Variants in BCL11B observed in about 807,000 individuals in gnomAD.
The protein encoded by BCL11B is BCL11 transcription factor B, also known as B-cell lymphoma/leukemia 11B.
A neutral mutation model predicts 49.9 loss-of-function variants in BCL11B; 8 were observed. The ratio of observed to expected loss-of-function variants is 0.16; its 90% CI spans 0.09 to 0.29. BCL11B has a LOEUF of 0.29. Among genes scored for constraint, BCL11B ranks in the 10% least tolerant of loss-of-function variants. The pLI is 1.00. For missense variants in BCL11B, 1,006 were observed against 1,351.0 expected, an observed-to-expected ratio of 0.74 and a Z score of 4.00; for synonymous variants, 739 against 637.4, an observed-to-expected ratio of 1.16 and a Z score of -2.40.
chr14:99,189,992 G>A (rs1886974853), intron 3 of BCL11B, among the ~76,000 whole-genome samples: 1 of 152,148 alleles, frequency 6.6e-6, no homozygotes, highest in South Asian at 2.1e-4. Flanking sequence ...TGTGGGCCGA[G>A]CCCAGGAAAT....
Position 99,271,356 on chromosome 14 carries a change from G to A in BCL11B, c.-138C>T. On this transcript the variant is annotated 5_prime_UTR_variant, in exon 1 of 4. Coordinates refer to ENST00000357195, the MANE Select transcript of BCL11B (RefSeq NM_138576.4). ...CCGCCGCACCTCCTCCTCTGCCCGG[G>A]TTGGTGTTTTTTTTCCCTTCCTCTC... 1 of 464,408 alleles carries A rather than the reference G, an allele frequency of 2.2e-6. No individual in the cohort carries two copies. Among genetic ancestry groups the A allele is most frequent in the South Asian group, 9.2e-5 (1 of 10,826 alleles). The allele number at this position is 464,408 out of a possible 1,614,324, so 28.8% of individuals were successfully genotyped here. A position where few individuals can be genotyped will look rare whatever the true frequency, so the allele number is the denominator to read the frequency against.
chr14:99,188,617 C>T (rs1355069794), intron 3 of BCL11B, among the ~76,000 whole-genome samples: 2 of 152,126 alleles, frequency 1.3e-5, no homozygotes, highest in Admixed American at 6.5e-5. Context: ...TGGCCTCTGT[C>T]CCCAGCAGGT....
intron 3 of BCL11B, among the ~76,000 whole-genome samples, chr14:99,190,709 T>C (rs1427740209): frequency 6.6e-6 from 1 of 152,186 alleles, no homozygotes; most frequent in African/African-American, 2.4e-5. Flanking sequence ...AAAGCATCCA[T>C]TCACCAATAA....
chr14:99,171,239 C>T lies in BCL11B; in HGVS notation c.*2912G>A, dbSNP rs1361464155. 3 of 227,488 alleles carry T rather than the reference C, an allele frequency of 1.3e-5. No individual in the cohort carries two copies. Among genetic ancestry groups the T allele is most frequent in the Non-Finnish European group, 1.8e-5 (2 of 114,284 alleles). 14.1% of individuals were successfully genotyped at this position (227,488 alleles called of 1,614,324 possible). A position where few individuals can be genotyped will look rare whatever the true frequency, so the allele number is the denominator to read the frequency against. On this transcript the variant is annotated 3_prime_UTR_variant, in exon 4 of 4. Transcript: ENST00000357195. ...GGCCAATTCCGACAAAAAATATATA[C>T]AACTAAATGATTTGTGAACCAAAGC...
In BCL11B at chr14:99,257,888, C is replaced by T. The variant is rs1234912752; in HGVS notation, c.59-49G>A. On this transcript the variant is annotated intron_variant, in intron 1 of 3. Coordinates refer to ENST00000357195, the MANE Select transcript of BCL11B (RefSeq NM_138576.4). The surrounding 1 kb of genome is among the most constrained non-coding windows in gnomAD (Gnocchi z 6.2). ...AAGGGGCAGAGAAGATAGAGATGGG[C>T]TTAGGCGGTCACAGCACCCAACTTC... 6.8e-7 allele frequency: 1 copy of T among 1,462,520 alleles called. No individual in the cohort carries two copies. Among genetic ancestry groups the T allele is most frequent in the Non-Finnish European group, 9.0e-7 (1 of 1,105,004 alleles). The allele number at this position is 1,462,520 out of a possible 1,614,324, so 90.6% of individuals were successfully genotyped here.
At position 99,174,826 on chromosome 14, in the gene BCL11B, C is replaced by T; in HGVS notation, c.2010G>A (p.Pro670=). The change falls in exon 4 of 4, where the codon CCG becomes CCA. Residue 670 remains proline, a synonymous_variant. Transcript: ENST00000357195. ...GGCTGGGCAGCGGCGCGGGCTTGCG[C>T]GGGAAGAGCCCGGGGAAGGGCTCGG... is the stretch of plus-strand genomic sequence containing the variant. ...PGTEPFPGLF[P]RKPAPLPSPG... 2 of 1,362,616 alleles carry T rather than the reference C, an allele frequency of 1.5e-6. No homozygotes were observed. Among genetic ancestry groups the T allele is most frequent in the Non-Finnish European group, 9.5e-7 (1 of 1,057,950 alleles). The allele number at this position is 1,362,616 out of a possible 1,614,324, so 84.4% of individuals were successfully genotyped here.
Position 99,231,299 on chromosome 14 carries a change from C to G in BCL11B, c.640+46G>C, listed in dbSNP as rs1464678512. On this transcript the variant is annotated intron_variant, in intron 3 of 3. Coordinates refer to ENST00000357195, the MANE Select transcript of BCL11B (RefSeq NM_138576.4). The surrounding 1 kb of genome is among the most constrained non-coding windows in gnomAD (Gnocchi z 8.1). Reference sequence around the variant, plus strand: ...TGCTCCAGCGCTGCCCATGGCACACCCCGCCATCCCGGGGGCCCGCCCCCC... The same window carrying G: ...TGCTCCAGCGCTGCCCATGGCACACGCCGCCATCCCGGGGGCCCGCCCCCC... 6.3e-7 allele frequency: 1 copy of G among 1,581,330 alleles called. No homozygotes were observed. Among genetic ancestry groups the G allele is most frequent in the South Asian group, 1.1e-5 (1 of 87,430 alleles).
At chr14:99,189,686 C>T (rs1250573727) in intron 3 of BCL11B, among the ~76,000 whole-genome samples, 2 of 152,196 alleles carry the variant, frequency 1.3e-5, no homozygotes, top group Non-Finnish European at 2.9e-5. Context: ...CCCCCCACCC[C>T]ATGAGGGCAG....
chr14:99,222,839 TTC>T (rs1491580060), intron 3 of BCL11B, among the ~76,000 whole-genome samples: 1 of 139,352 alleles, frequency 7.2e-6, no homozygotes, highest in Non-Finnish European at 1.5e-5. Flanking sequence ...TTATTTCCCT[TTC>T]TTTCTTTCTT....
chr14:99,260,386 C>T (rs1028710663), intron 1 of BCL11B, among the ~76,000 whole-genome samples: 2 of 152,112 alleles, frequency 1.3e-5, no homozygotes, highest in African/African-American at 2.4e-5. Context: ...ATTTAATCTT[C>T]GGTTTACTTT....
chr14:99,207,466 T>C lies in BCL11B; in HGVS notation c.640+23879A>G, dbSNP rs138223032. 4.5e-3 allele frequency among the ~76,000 whole-genome samples: 680 copies of C among 152,224 alleles called. 5 individuals are homozygous for C. Among genetic ancestry groups the C allele is most frequent in the African/African-American group, 0.015 (643 of 41,542 alleles). ...GCTGAGGGAGCTTTGGGCACTCACC[T>C]CAGTCACTTCCAGTGCCCTTCCTGT... On this transcript the variant is annotated intron_variant, in intron 3 of 3. Coordinates refer to ENST00000357195, the MANE Select transcript of BCL11B (RefSeq NM_138576.4).
chr14:99,254,721 A>T (rs1475848755), intron 2 of BCL11B, among the ~76,000 whole-genome samples: 1 of 152,248 alleles, frequency 6.6e-6, no homozygotes, highest in Non-Finnish European at 1.5e-5. Flanking sequence ...AGAAGCCTGG[A>T]GGGACAGCCG....
intron 3 of BCL11B, among the ~76,000 whole-genome samples, chr14:99,203,705 C>G (rs537034059): frequency 5.7e-4 from 87 of 152,258 alleles, no homozygotes; most frequent in African/African-American, 2.1e-3. Context: ...ATCTCCTGGG[C>G]CAAGCTCTGT....
chr14:99,174,483 C>A lies in BCL11B; in HGVS notation c.2353G>T (p.Gly785Trp). ...STPHLGGPGP[G>W]RPSSKEGRRS... The stretch of plus-strand genomic sequence containing the variant: ...CGGCCCTCCTTGGAGCTGGGCCGCC[C>A]GGGGCCCGGGCCGCCCAGGTGCGGG... The change falls in exon 4 of 4, where the codon GGG becomes TGG. Residue 785 changes from glycine to tryptophan, a missense_variant. By Grantham distance (184) the Gly-to-Trp change is radical. Around this residue, in one of 6 missense-constraint regions of BCL11B, gnomAD observed 443 missense variants for 499.7 expected, o/e 0.89. Transcript: ENST00000357195. The A allele has an allele frequency of 1.3e-6, 2 of 1,571,548 alleles. No individual in the cohort carries two copies. Among genetic ancestry groups the A allele is most frequent in the Admixed American group, 1.8e-5 (1 of 54,512 alleles).
Position 99,192,673 on chromosome 14 carries a change from G to T in BCL11B, c.641-16478C>A, listed in dbSNP as rs564563458. ...TGGGGCTGGGGCTGTGGGCCAGAAAGATCTGATTCTCCTGCTTCCTAGCCT... is the reference window on the plus strand; with the variant it reads ...TGGGGCTGGGGCTGTGGGCCAGAAATATCTGATTCTCCTGCTTCCTAGCCT... On this transcript the variant is annotated intron_variant, in intron 3 of 3. Transcript: ENST00000357195. This position sits in a 1 kb window ranked among gnomAD's most constrained non-coding sequence, Gnocchi z 4.0. Among the ~76,000 whole-genome samples, 1 of 152,286 alleles carries T rather than the reference G, an allele frequency of 6.6e-6. No individual in the cohort carries two copies. The highest frequency in any genetic ancestry group is 6.5e-5 in the Admixed American group (1 of 15,308).
rs78434838 is a variant in BCL11B at position 99,239,488 on chromosome 14, G to C, written c.428-7931C>G. Among the ~76,000 whole-genome samples, 181 of 152,290 alleles carry C rather than the reference G, an allele frequency of 1.2e-3. 2 individuals carry two copies. The East Asian group carries it at 0.025, about 21-fold the overall frequency. ...CAGACTCCAATGACAAGCTTGGCCAGGCATCCCTCAGATATGTTCCTATTT... is the reference window on the plus strand; with the variant it reads ...CAGACTCCAATGACAAGCTTGGCCACGCATCCCTCAGATATGTTCCTATTT... On this transcript the variant is annotated intron_variant, in intron 2 of 3. Transcript: ENST00000357195.
chr14:99,220,779 T>A (rs1307031671), intron 3 of BCL11B, among the ~76,000 whole-genome samples: 1 of 152,204 alleles, frequency 6.6e-6, no homozygotes, highest in African/African-American at 2.4e-5. Context: ...CGAAGCATTG[T>A]GAGAATCACT....
chr14:99,243,329 T>G (rs1160878777), intron 2 of BCL11B, among the ~76,000 whole-genome samples: 1 of 152,206 alleles, frequency 6.6e-6, no homozygotes, highest in Admixed American at 6.5e-5. Flanking sequence ...CCCCTAATTC[T>G]TCTTCCTTGC....
chr14:99,263,212 A>G (rs2748810), intron 1 of BCL11B: 14,469 of 153,038 alleles, frequency 0.095, 742 homozygotes, highest in South Asian at 0.11. Context: ...GCTCCAGGTC[A>G]GCTCTGCACC....
Sources: gnomAD v4.1 joint callset for allele counts (sites outside exome capture counted in the v4.1 genomes callset) on GRCh38, gnomAD v4.1.1 for gene constraint, gnomAD v4.1.1 regional missense constraint, Gnocchi (gnomAD v3.1) non-coding constraint, MANE v1.5 for transcripts, NCBI Gene and HGNC (gene_info 2026-07-23, HGNC 2026-07-21) for gene names.